The following U2AF1 variants were observed in gnomAD, a reference collection of about 807,000 sequenced individuals.
U2AF1 encodes the protein splicing factor U2AF 35 kDa subunit.
For missense variants in U2AF1, 4 were observed against 75.9 expected, an observed-to-expected ratio of 0.05 and a Z score of 3.52; for synonymous variants, 8 against 27.2, an observed-to-expected ratio of 0.29 and a Z score of 2.20.
rs1176680459 is a variant in U2AF1 at position 43,095,353 on chromosome 21, G to A, written c.348+85C>T. On this transcript the variant is annotated intron_variant, in intron 5 of 7. Transcript: ENST00000291552. Reference sequence around the variant, plus strand: ...CGGCCTTGGCCCCGGCACACTAAGCGGCTGCACCACTGTCTCGCTTTCGCC... The same window carrying A: ...CGGCCTTGGCCCCGGCACACTAAGCAGCTGCACCACTGTCTCGCTTTCGCC... 4 of 567,798 alleles carry A rather than the reference G, an allele frequency of 7.0e-6. 1 individual carries two copies. Among genetic ancestry groups the A allele is most frequent in the East Asian group, 2.5e-5 (1 of 40,220 alleles). The allele number at this position is 567,798 out of a possible 1,614,324, so 35.2% of individuals were successfully genotyped here. A position where few individuals can be genotyped will look rare whatever the true frequency, so the allele number is the denominator to read the frequency against.
In U2AF1 at chr21:43,095,419, G is replaced by A. The variant is rs199534251; in HGVS notation, c.348+19C>T. 2.7e-4 allele frequency: 250 copies of A among 916,370 alleles called. 51 individuals carry two copies. The highest frequency in any genetic ancestry group is 1.2e-3 in the East Asian group (51 of 43,316). The allele number at this position is 916,370 out of a possible 1,614,324, so 56.8% of individuals were successfully genotyped here. On this transcript the variant is annotated intron_variant, in intron 5 of 7. Transcript: ENST00000291552. ...TGGCACACTAAGCGGCCACGCCGCC[G>A]TCTCGCCCTGGCTCCTACCTTGACG...
chr21:43,094,393 A>ATT, intron 7 of U2AF1, 78 bp downstream of exon 7: 8 of 634,074 alleles, frequency 1.3e-5, no homozygotes, highest in South Asian at 3.8e-5. Flanking sequence ...CTATGCCAAA[A>ATT]TTTTTTTTTT....
rs779244170 is a variant in U2AF1, at chr21:43,094,632, G to A, written c.482+23C>T. The A allele has an allele frequency of 1.0e-5, 5 of 477,562 alleles. 1 individual carries two copies. Among genetic ancestry groups the A allele is most frequent in the African/African-American group, 8.7e-5 (2 of 23,112 alleles). The allele number at this position is 477,562 out of a possible 1,614,324, so 29.6% of individuals were successfully genotyped here. A position where few individuals can be genotyped will look rare whatever the true frequency, so the allele number is the denominator to read the frequency against. On this transcript the variant is annotated intron_variant, in intron 6 of 7. Coordinates refer to ENST00000291552, the MANE Select transcript of U2AF1 (RefSeq NM_006758.3). Reference sequence around the variant, plus strand: ...ACGGCCCCGAACTGTGCTCAGTCACGTCACTGGCCACTCCTCACTCACCCC... The same window carrying A: ...ACGGCCCCGAACTGTGCTCAGTCACATCACTGGCCACTCCTCACTCACCCC...
chr21:43,107,271 C>A (rs1052075337), intron 1 of U2AF1, among the ~76,000 whole-genome samples, 180 bp downstream of exon 1: 2 of 106,814 alleles, frequency 1.9e-5, no homozygotes, highest in South Asian at 5.1e-4. Context: ...GCGCGGCCCA[C>A]GAGGCGGCGG....
Position 43,095,306 on chromosome 21 carries a change from C to T in U2AF1, c.348+132G>A, listed in dbSNP as rs192957029. ...GCATCCAGGATCTCAAGGTGCATGG[C>T]GACAGGCACCCCATCCTCTGTCGGC... On this transcript the variant is annotated intron_variant, in intron 5 of 7. Coordinates refer to ENST00000291552, the MANE Select transcript of U2AF1 (RefSeq NM_006758.3). 1.5e-5 allele frequency: 7 copies of T among 463,270 alleles called. 1 individual carries two copies. Among genetic ancestry groups the T allele is most frequent in the Admixed American group, 1.3e-4 (3 of 22,448 alleles). The allele number at this position is 463,270 out of a possible 1,614,324, so 28.7% of individuals were successfully genotyped here.
chr21:43,095,144 C>A, intron 5 of U2AF1: 1 of 272,406 alleles, frequency 3.7e-6, no homozygotes, highest in Non-Finnish European at 6.7e-6. Context: ...ATATTCTACA[C>A]TGAAATAACG....
chr21:43,097,617 T>TAAA, intron 3 of U2AF1: 1 of 89,620 alleles, frequency 1.1e-5, no homozygotes, highest in East Asian at 2.2e-4. Context: ...AAAACTCTTT[T>TAAA]TATCTTTTTT....
Position 43,107,516 on chromosome 21 carries a change from GC to G in U2AF1, c.-23del. On this transcript the variant is annotated 5_prime_UTR_variant, in exon 1 of 8. Transcript: ENST00000291552. ...CCATTTCCCACCCGCCGCCGCCGCT[GC>G]CGTCGACACTGCTGCCGACGCCGCC... is the stretch of plus-strand genomic sequence containing the variant. 1.1e-6 allele frequency: 1 copy of G among 911,156 alleles called. No homozygotes were observed. Among genetic ancestry groups the G allele is most frequent in the Non-Finnish European group, 1.5e-6 (1 of 655,844 alleles). 56.4% of individuals were successfully genotyped at this position (911,156 alleles called of 1,614,324 possible).
rs1207522127 is a variant in U2AF1 at position 43,107,042 on chromosome 21, G to A, written c.44+409C>T. Among the ~76,000 whole-genome samples the A allele has an allele frequency of 7.3e-5, 6 of 81,898 alleles. 1 individual carries two copies. Among genetic ancestry groups the A allele is most frequent in the Middle Eastern group, 0.011 (2 of 174 alleles). 53.7% of individuals were successfully genotyped at this position (81,898 alleles called of 152,430 possible). On this transcript the variant is annotated intron_variant, in intron 1 of 7. Transcript: ENST00000291552. ...GCTGGTACCAGAGCTTGCTCGACAG[G>A]ACATTCACAGCCGAAAGTTGGAACA... is the stretch of plus-strand genomic sequence containing the variant.
chr21:43,107,374 C>T (rs1403345186), intron 1 of U2AF1, 77 bp downstream of exon 1: 1 of 268,758 alleles, frequency 3.7e-6, no homozygotes, highest in Admixed American at 8.1e-5. Flanking sequence ...GCCTGGGCCT[C>T]CCCGGTCGCC....
At chr21:43,107,205 G>A (rs1178126191) in intron 1 of U2AF1, among the ~76,000 whole-genome samples, 1 of 112,980 alleles carries the variant, frequency 8.9e-6, no homozygotes, top group East Asian at 2.0e-4. Flanking sequence ...GAGAAAGCTC[G>A]GCCGCGGCGC....
At chr21:43,096,687 C>CA (rs1555879199) in intron 3 of U2AF1, among the ~76,000 whole-genome samples, 2 of 18,080 alleles carry the variant, frequency 1.1e-4, no homozygotes, top group Non-Finnish European at 2.3e-4. Flanking sequence ...TTTTTTTTTT[C>CA]TTTTTTTTGA....
intron 4 of U2AF1, 66 bp from the exon 5 acceptor site, chr21:43,095,602 T>C (rs1984276213): frequency 1.2e-6 from 1 of 838,450 alleles, no homozygotes; most frequent in Non-Finnish European, 1.9e-6. Flanking sequence ...ATATAACTCA[T>C]GTATGTTTAT....
In U2AF1 at chr21:43,106,901, G is replaced by T. The variant is rs980541795; in HGVS notation, c.44+550C>A. Reference sequence around the variant, plus strand: ...AGTAGTCTCCACCATACTTTTTCTCGTCATATCTCCTTACTGCCGGCCCAG... The same window carrying T: ...AGTAGTCTCCACCATACTTTTTCTCTTCATATCTCCTTACTGCCGGCCCAG... On this transcript the variant is annotated intron_variant, in intron 1 of 7. Coordinates refer to ENST00000291552, the MANE Select transcript of U2AF1 (RefSeq NM_006758.3). 6.6e-5 allele frequency among the ~76,000 whole-genome samples: 2 copies of T among 30,216 alleles called. 1 individual carries two copies. Among genetic ancestry groups the T allele is most frequent in the Non-Finnish European group, 1.3e-4 (2 of 15,132 alleles). 19.8% of individuals were successfully genotyped at this position (30,216 alleles called of 152,430 possible). A position where few individuals can be genotyped will look rare whatever the true frequency, so the allele number is the denominator to read the frequency against.
chr21:43,107,342 C>A, intron 1 of U2AF1, 109 bp downstream of exon 1: 1 of 244,732 alleles, frequency 4.1e-6, no homozygotes, highest in Non-Finnish European at 7.4e-6. Flanking sequence ...GCGCCCCTCC[C>A]CCGCCACCGC....
intron 5 of U2AF1, 100 bp from the exon 6 acceptor site, chr21:43,094,888 A>G (rs2146455072): frequency 1.5e-6 from 1 of 669,002 alleles, no homozygotes; most frequent in Non-Finnish European, 2.3e-6. Flanking sequence ...ACACTCAGGT[A>G]TAGTAAGGTG....
Position 43,107,531 on chromosome 21 carries a change from GC to G in U2AF1, c.-38del. The G allele has an allele frequency of 1.1e-6, 1 of 932,904 alleles. No homozygotes were observed. The highest frequency in any genetic ancestry group is 1.5e-6 in the Non-Finnish European group (1 of 671,002). The allele number at this position is 932,904 out of a possible 1,614,324, so 57.8% of individuals were successfully genotyped here. ...CGCCGCCGCTGCCGTCGACACTGCT[GC>G]CGACGCCGCCGACCCTGCCGACGCC... On this transcript the variant is annotated 5_prime_UTR_variant, in exon 1 of 8. Transcript: ENST00000291552.
Position 43,107,074 on chromosome 21 carries a change from T to C in U2AF1, c.44+377A>G, listed in dbSNP as rs973981978. ...ACAGCCGAAAGTTGGAACAAACGTG[T>C]CCACGTCCAAAAGGCCCGGATGCTC... On this transcript the variant is annotated intron_variant, in intron 1 of 7. Coordinates refer to ENST00000291552, the MANE Select transcript of U2AF1 (RefSeq NM_006758.3). Among the ~76,000 whole-genome samples, 3 of 98,630 alleles carry C rather than the reference T, an allele frequency of 3.0e-5. 1 individual carries two copies. The highest frequency in any genetic ancestry group is 0.01 in the Middle Eastern group (2 of 200). 64.7% of individuals were successfully genotyped at this position (98,630 alleles called of 152,430 possible).
At chr21:43,094,925 A>C (rs1984236095) in intron 5 of U2AF1, 137 bp from the exon 6 acceptor site, 1 of 368,358 alleles carries the variant, frequency 2.7e-6, no homozygotes, top group African/African-American at 4.4e-5. Flanking sequence ...TAATTGAAAA[A>C]TCCTTTATTT....
Sources: allele counts gnomAD v4.1 joint callset (sites outside exome capture counted in the v4.1 genomes callset), GRCh38; gene constraint gnomAD v4.1.1; transcripts MANE v1.5; gene names NCBI Gene and HGNC (gene_info 2026-07-23, HGNC 2026-07-21).